The following RAB3C variants were observed in gnomAD, a reference collection of about 807,000 sequenced individuals.
RAB3C encodes the protein RAB3C, member RAS oncogene family, also known as ras-related protein Rab-3C.
In RAB3C, 17 loss-of-function variants were observed where a neutral mutation model predicts 26.4. The observed-to-expected ratio is 0.64, with a 90% CI of 0.44 to 0.97. The LOEUF (loss-of-function observed/expected upper bound fraction) is 0.97. Ranked by LOEUF, RAB3C falls within the 50% of genes least tolerant of loss-of-function variation. The probability of loss-of-function intolerance (pLI) is 0.00; values close to 1 mark genes in which losing one functional copy is unlikely to be tolerated. For synonymous variants in RAB3C, 91 were observed against 95.9 expected (o/e 0.95, Z 0.30); for missense variants, 242 against 281.9 (o/e 0.86, Z 1.01).
intron 3 of RAB3C, among the ~76,000 whole-genome samples, chr5:58,735,690 T>G (rs906462902): frequency 6.6e-6 from 1 of 152,116 alleles, no homozygotes; most frequent in Non-Finnish European, 1.5e-5. Context: ...TCTTCTTTTG[T>G]CTTTGAGGGA....
At chr5:58,600,590 T>C (rs1746431209) in intron 1 of RAB3C, among the ~76,000 whole-genome samples, 1 of 152,166 alleles carries the variant, frequency 6.6e-6, no homozygotes, top group South Asian at 2.1e-4. Flanking sequence ...TATTTTTATT[T>C]ATTTATTTTT....
At chr5:58,760,476 C>T (rs1741774664) in intron 3 of RAB3C, among the ~76,000 whole-genome samples, 1 of 152,142 alleles carries the variant, frequency 6.6e-6, no homozygotes, top group African/African-American at 2.4e-5. Flanking sequence ...ATGTAAAGGA[C>T]TTAGCATGGC....
At chr5:58,822,884 A>G in intron 3 of RAB3C, 1 of 639,102 alleles carries the variant, frequency 1.6e-6, no homozygotes, top group Non-Finnish European at 3.0e-6. Context: ...AGTGGAGATG[A>G]CTGGAGATTA....
chr5:58,720,884 C>A (rs1393331295), intron 2 of RAB3C, among the ~76,000 whole-genome samples: 1 of 151,680 alleles, frequency 6.6e-6, no homozygotes, highest in Non-Finnish European at 1.5e-5. Flanking sequence ...GGAGAAGTAA[C>A]CACTAAAACA....
intron 2 of RAB3C, among the ~76,000 whole-genome samples, chr5:58,699,413 A>T (rs1449175051): frequency 1.3e-5 from 2 of 152,180 alleles, no homozygotes; most frequent in Admixed American, 1.3e-4. Flanking sequence ...GTTAGGCTAC[A>T]TGGGGGTCAG....
chr5:58,622,923 CA>C (rs1263162021), intron 2 of RAB3C, among the ~76,000 whole-genome samples: 4 of 152,144 alleles, frequency 2.6e-5, no homozygotes, highest in African/African-American at 7.2e-5. Context: ...AGTGATTTGT[CA>C]GAAGTTTCAG....
intron 3 of RAB3C, among the ~76,000 whole-genome samples, chr5:58,759,267 G>A (rs1741742858): frequency 6.6e-6 from 1 of 152,146 alleles, no homozygotes; most frequent in Admixed American, 6.5e-5. Context: ...GTGGGGTTGG[G>A]GCAAGTGGAC....
intron 4 of RAB3C, among the ~76,000 whole-genome samples, chr5:58,841,206 C>A (rs1743868033): frequency 6.6e-6 from 1 of 152,182 alleles, no homozygotes; most frequent in African/African-American, 2.4e-5. Context: ...CTCAGAGACT[C>A]AGGTCCTCTC....
rs1744311172 is a variant in RAB3C, at chr5:58,858,399, T to G, written c.*7048T>G. ...GGTTGAATTTTAGTTAGTTGTCACA[T>G]AGTTATTGAACCTCATATGCTCAGT... On this transcript the variant is annotated 3_prime_UTR_variant, in exon 5 of 5. Coordinates refer to ENST00000282878, the MANE Select transcript of RAB3C (RefSeq NM_138453.4). The G allele has an allele frequency of 6.6e-6, 1 of 152,180 alleles. No homozygotes were observed. Among genetic ancestry groups the G allele is most frequent in the Non-Finnish European group, 1.5e-5 (1 of 68,028 alleles). The allele number at this position is 152,180 out of a possible 1,614,324, so 9.4% of individuals were successfully genotyped here.
chr5:58,594,362 G>T (rs966494712), intron 1 of RAB3C, among the ~76,000 whole-genome samples: 5 of 152,260 alleles, frequency 3.3e-5, no homozygotes, highest in Non-Finnish European at 5.9e-5. Context: ...TGAGTGGCAG[G>T]ACTGATGAAA....
chr5:58,729,700 G>A (rs576062234), intron 3 of RAB3C, among the ~76,000 whole-genome samples: 7 of 147,030 alleles, frequency 4.8e-5, no homozygotes, highest in African/African-American at 1.7e-4. Flanking sequence ...AATGTACATT[G>A]TGTGTATGTG....
intron 3 of RAB3C, among the ~76,000 whole-genome samples, chr5:58,810,364 G>GCTCTCTCT (rs143427018): frequency 0.058 from 6,026 of 103,178 alleles, 183 homozygotes; most frequent in South Asian, 0.14. Flanking sequence ...TACTCTGTGT[G>GCTCTCTCT]CTCTCTCTCT....
intron 3 of RAB3C, among the ~76,000 whole-genome samples, chr5:58,781,965 T>G (rs1742279134): frequency 6.6e-6 from 1 of 152,164 alleles, no homozygotes; most frequent in Non-Finnish European, 1.5e-5. Context: ...CTACCGAATC[T>G]CTACCACATT....
intron 1 of RAB3C, among the ~76,000 whole-genome samples, chr5:58,612,526 A>ATATATATATATATATATATATG (rs1407031643): frequency 2.1e-5 from 1 of 47,598 alleles, no homozygotes; most frequent in East Asian, 5.8e-4. Context: ...GTGTGTATAT[A>ATATATATATATATATATATATG]TATATATATA....
chr5:58,696,187 G>GT (rs1748694352), intron 2 of RAB3C, among the ~76,000 whole-genome samples: 1 of 152,136 alleles, frequency 6.6e-6, no homozygotes, highest in Admixed American at 6.6e-5. Context: ...TACTCATGTG[G>GT]TTTTTATCTT....
intron 3 of RAB3C, among the ~76,000 whole-genome samples, chr5:58,814,044 C>T (rs557247460): frequency 3.3e-4 from 51 of 152,278 alleles, no homozygotes; most frequent in South Asian, 1.0e-3. Flanking sequence ...TGAAGTCTTT[C>T]GCAATCTTTC....
chr5:58,826,582 T>C (rs190795119), intron 4 of RAB3C, among the ~76,000 whole-genome samples: 2 of 152,238 alleles, frequency 1.3e-5, no homozygotes, highest in African/African-American at 4.8e-5. Context: ...CAGTAAGAAA[T>C]ACTTTCAATT....
chr5:58,618,922 A>G (rs1247064739), intron 2 of RAB3C, among the ~76,000 whole-genome samples: 1 of 152,178 alleles, frequency 6.6e-6, no homozygotes, highest in Non-Finnish European at 1.5e-5. Flanking sequence ...GACTGACAAT[A>G]ACCCTCCCTT....
At chr5:58,752,295 G>A (rs1741548024) in intron 3 of RAB3C, among the ~76,000 whole-genome samples, 2 of 151,988 alleles carry the variant, frequency 1.3e-5, no homozygotes, top group Non-Finnish European at 2.9e-5. Context: ...TCAGTGCTTG[G>A]AAAAGACCAA....
Sources: gnomAD v4.1 joint callset for allele counts (sites outside exome capture counted in the v4.1 genomes callset) on GRCh38, gnomAD v4.1.1 for gene constraint, MANE v1.5 for transcripts, NCBI Gene and HGNC (gene_info 2026-07-23, HGNC 2026-07-21) for gene names.